Variants in SAMM50 observed in about 807,000 individuals in gnomAD.
SAMM50 encodes the protein SAMM50 sorting and assembly machinery component, also known as sorting and assembly machinery component 50 homolog.
Under a neutral mutation model 66.9 loss-of-function variants are expected in SAMM50, and 47 were observed. The ratio of observed to expected loss-of-function variants is 0.70; its 90% CI spans 0.56 to 0.90. The LOEUF is 0.90. Ranked by LOEUF, SAMM50 falls within the 40% of genes least tolerant of loss-of-function variation. The pLI is 0.00. For synonymous variants in SAMM50, 191 were observed against 214.1 expected (o/e 0.89, Z 0.94); for missense variants, 535 against 595.3 (o/e 0.90, Z 1.05).
intron 8 of SAMM50, 107 bp downstream of exon 8, chr22:43,976,290 A>G (rs1200447642): frequency 2.2e-6 from 3 of 1,352,638 alleles, no homozygotes; most frequent in Non-Finnish European, 2.0e-6. Context: ...AGCGTCACCC[A>G]GATGGGGTGT....
intron 8 of SAMM50, 30 bp from the exon 9 acceptor site, chr22:43,976,720 T>C (rs746254228): frequency 3.9e-6 from 6 of 1,556,442 alleles, no homozygotes; most frequent in Non-Finnish European, 5.3e-6. Flanking sequence ...CTTCTTAAAG[T>C]GAAAATATCC....
chr22:43,971,471 TACAC>T (rs1225286959), intron 4 of SAMM50, among the ~76,000 whole-genome samples: 3 of 152,148 alleles, frequency 2.0e-5, no homozygotes, highest in South Asian at 4.1e-4. Context: ...ACATGCCTCT[TACAC>T]ACAGTAACAC....
chr22:43,975,881 T>A, intron 7 of SAMM50, 174 bp from the exon 8 acceptor site: 1 of 637,018 alleles, frequency 1.6e-6, no homozygotes, highest in Non-Finnish European at 2.7e-6. Context: ...TTGTCCTTCT[T>A]CCCTCTGGTT....
At chr22:43,958,947 A>T (rs1217859903) in intron 1 of SAMM50, among the ~76,000 whole-genome samples, 1 of 151,676 alleles carries the variant, frequency 6.6e-6, no homozygotes, top group African/African-American at 2.4e-5. Context: ...CCTAGTACTC[A>T]TGCTTATGTC....
At chr22:43,984,586 C>T (rs796906564) in intron 12 of SAMM50, among the ~76,000 whole-genome samples, 7 of 151,728 alleles carry the variant, frequency 4.6e-5, no homozygotes, top group Non-Finnish European at 1.0e-4. Context: ...GCTGGGATTA[C>T]AGGTGTGAGC....
Position 43,977,908 on chromosome 22 carries a change from A to G in SAMM50, c.886A>G (p.Ile296Val), listed in dbSNP as rs1265787207. ...AGYTGGDVSF[I>V]KEDFELQLNK... ...CTACACTGGCGGGGATGTGAGCTTC[A>G]TCAAAGAAGATTTTGAACTTCAGTT... Residue 296 changes from isoleucine (I) to valine (V), a missense_variant, in exon 10 of 15, where the codon ATC (isoleucine) becomes GTC (valine). Transcript: ENST00000350028. The G allele has an allele frequency of 6.2e-7, 1 of 1,613,130 alleles. No individual in the cohort carries two copies. The highest frequency in any genetic ancestry group is 1.1e-5 in the South Asian group (1 of 90,792).
intron 14 of SAMM50, 114 bp from the exon 15 acceptor site, chr22:43,996,224 C>CGGAGGCGGCACCTTCTG: frequency 8.8e-7 from 1 of 1,133,232 alleles, no homozygotes; most frequent in Non-Finnish European, 1.3e-6. Context: ...AGGAAGGCAG[C>CGGAGGCGGCACCTTCTG]AGGAGGAGGA....
chr22:43,981,375 G>C lies in SAMM50; in HGVS notation c.937-16G>C, dbSNP rs545108093. The C allele has an allele frequency of 5.9e-5, 95 of 1,607,364 alleles. No homozygotes were observed. The South Asian group carries it at 1.0e-3, about 17-fold the overall frequency. ...GAATGCTGGGAGAAAACAACCATTT[G>C]TTTCTATTTGAACAGGTTTTTTCAG... On this transcript the variant is annotated splice_polypyrimidine_tract_variant and intron_variant, in intron 10 of 14. Transcript: ENST00000350028.
Position 43,976,097 on chromosome 22 carries a change from G to A in SAMM50, c.691G>A (p.Val231Ile), listed in dbSNP as rs775334315. ...CAGCCACACTGTCAAGTGGGAAGGC[G>A]TATGGCGAGAACTGGGCTGCCTCTC... Reference protein sequence around the residue: ...KTSHTVKWEGVWRELGCLSRT... With the variant: ...KTSHTVKWEGIWRELGCLSRT... The change falls in exon 8 of 15, where the codon GTA becomes ATA. Residue 231 changes from valine to isoleucine, a missense_variant. Transcript: ENST00000350028. 8.6e-5 allele frequency: 138 copies of A among 1,612,922 alleles called. No individual in the cohort carries two copies. Among genetic ancestry groups the A allele is most frequent in the Middle Eastern group, 3.3e-4 (2 of 6,078 alleles).
chr22:43,971,288 C>T (rs2050202283), intron 4 of SAMM50, among the ~76,000 whole-genome samples: 1 of 152,196 alleles, frequency 6.6e-6, no homozygotes, highest in South Asian at 2.1e-4. Context: ...GATGTCCAGC[C>T]AGGGCTGAGC....
chr22:43,958,604 GAGT>G (rs1232977281), intron 1 of SAMM50, among the ~76,000 whole-genome samples: 1 of 148,186 alleles, frequency 6.7e-6, no homozygotes, highest in African/African-American at 2.5e-5. Context: ...TCAGCCTCCC[GAGT>G]AGCTGGGACT....
At chr22:43,969,541 C>T (rs2050192983) in intron 4 of SAMM50, among the ~76,000 whole-genome samples, 1 of 152,160 alleles carries the variant, frequency 6.6e-6, no homozygotes, top group Non-Finnish European at 1.5e-5. Flanking sequence ...GATGGCAGCA[C>T]AGTCGCTATG....
At position 43,983,860 on chromosome 22, in the gene SAMM50, C is replaced by A. The variant is rs2294923; in HGVS notation, c.1008-73C>A. 179,476 of 1,046,606 alleles carry A rather than the reference C, an allele frequency of 0.17. 18,987 individuals are homozygous for A. Among genetic ancestry groups the A allele is most frequent in the East Asian group, 0.4 (15,781 of 39,516 alleles). 64.8% of individuals were successfully genotyped at this position (1,046,606 alleles called of 1,614,324 possible). ...TCGAATGTGAGTCTGACATGTGTTT[C>A]CTACGCGTTCCGTGTGTCATGTCGT... On this transcript the variant is annotated intron_variant, in intron 11 of 14. Coordinates refer to ENST00000350028, the MANE Select transcript of SAMM50 (RefSeq NM_015380.5). The surrounding 1 kb of genome is among the most constrained non-coding windows in gnomAD (Gnocchi z 4.2).
At chr22:43,971,169 G>GA (rs1450730266) in intron 4 of SAMM50, among the ~76,000 whole-genome samples, 2 of 152,122 alleles carry the variant, frequency 1.3e-5, no homozygotes, top group Non-Finnish European at 1.5e-5. Flanking sequence ...CTCCATCTCA[G>GA]AAAAAAAGAA....
rs3083316 is a variant in SAMM50, at chr22:43,958,476, C to CTTTTTTTT, written c.21+2891_21+2898dup. Among the ~76,000 whole-genome samples the CTTTTTTTT allele has an allele frequency of 2.6e-4, 29 of 112,560 alleles. 2 individuals carry two copies. Among genetic ancestry groups the CTTTTTTTT allele is most frequent in the South Asian group, 9.3e-4 (3 of 3,218 alleles). The allele number at this position is 112,560 out of a possible 152,430, so 73.8% of individuals were successfully genotyped here. A position where few individuals can be genotyped will look rare whatever the true frequency, so the allele number is the denominator to read the frequency against. ...AAAAAGTATCTGCCTTTATGGAGCT[C>CTTTTTTTT]TTTTTTTTTTTTTTTTTTTTGAGGC... On this transcript the variant is annotated intron_variant, in intron 1 of 14. Transcript: ENST00000350028.
intron 14 of SAMM50, among the ~76,000 whole-genome samples, chr22:43,995,227 C>T (rs1281387616): frequency 6.6e-6 from 1 of 152,138 alleles, no homozygotes; most frequent in African/African-American, 2.4e-5. Context: ...GCCGGCGCAG[C>T]ATTTGTGAGT....
intron 1 of SAMM50, among the ~76,000 whole-genome samples, chr22:43,959,289 G>A (rs2146804430): frequency 1.3e-5 from 2 of 151,826 alleles, no homozygotes; most frequent in Admixed American, 1.3e-4. Context: ...GAAGTGTTGG[G>A]ATTACAGGTG....
intron 12 of SAMM50, among the ~76,000 whole-genome samples, chr22:43,985,190 G>A (rs2050285970): frequency 6.6e-6 from 1 of 151,930 alleles, no homozygotes; most frequent in Admixed American, 6.5e-5. Flanking sequence ...GGTTAGGATT[G>A]GTGAAGCAAT....
chr22:43,985,734 C>T (rs978145823), intron 12 of SAMM50, among the ~76,000 whole-genome samples: 1 of 151,952 alleles, frequency 6.6e-6, no homozygotes, highest in African/African-American at 2.4e-5. Context: ...CCGGGGAGCG[C>T]AGTTGTTTGG....
Sources: allele counts gnomAD v4.1 joint callset (sites outside exome capture counted in the v4.1 genomes callset), GRCh38; gene constraint gnomAD v4.1.1; non-coding constraint Gnocchi (gnomAD v3.1); transcripts MANE v1.5; gene names NCBI Gene and HGNC (gene_info 2026-07-23, HGNC 2026-07-21).